Variants in TUBA4B observed in about 807,000 individuals in gnomAD.
The protein encoded by TUBA4B is tubulin alpha 4b.
TUBA4B carries 13 observed loss-of-function variants against 18.4 expected under a neutral mutation model. That is an observed-to-expected ratio of 0.71 (90% CI 0.46 to 1.12). The LOEUF (loss-of-function observed/expected upper bound fraction) is 1.12. Ranked by LOEUF, TUBA4B falls within the 50% of genes most tolerant of loss-of-function variation. The probability of loss-of-function intolerance (pLI) is 0.00; values close to 1 mark genes in which losing one functional copy is unlikely to be tolerated. For missense variants in TUBA4B, 244 were observed against 250.0 expected (o/e 0.98, Z 0.16); for synonymous variants, 101 against 99.1 (o/e 1.02, Z -0.11).
chr2:219,258,827 G>A (rs1481766001), intron 1 of TUBA4B, among the ~76,000 whole-genome samples: 2 of 152,086 alleles, frequency 1.3e-5, no homozygotes, highest in Non-Finnish European at 2.9e-5. Flanking sequence ...ATCACTCTCT[G>A]TGTCTCCCTG....
chr2:219,261,367 C>A (rs1378005053), intron 1 of TUBA4B, among the ~76,000 whole-genome samples: 2 of 152,166 alleles, frequency 1.3e-5, no homozygotes. Context: ...TTCCTTGAAG[C>A]GCCCTAGCAG....
At chr2:219,263,126 A>C (rs1308203538) in intron 1 of TUBA4B, among the ~76,000 whole-genome samples, 1 of 152,142 alleles carries the variant, frequency 6.6e-6, no homozygotes, top group Non-Finnish European at 1.5e-5. Context: ...GCAAGCACTC[A>C]ATATTTGTTG....
At chr2:219,259,575 ACT>A (rs1951747710) in intron 1 of TUBA4B, among the ~76,000 whole-genome samples, 1 of 151,852 alleles carries the variant, frequency 6.6e-6, no homozygotes. Flanking sequence ...TTTCTAATTC[ACT>A]CTCCCGTTGA....
rs374651868 is a variant in TUBA4B, at chr2:219,254,210, C to G, written c.12+791C>G. 262 of 242,892 alleles carry G rather than the reference C, an allele frequency of 1.1e-3. 1 individual carries two copies. Among genetic ancestry groups the G allele is most frequent in the African/African-American group, 5.5e-3 (247 of 44,854 alleles). 15.0% of individuals were successfully genotyped at this position (242,892 alleles called of 1,614,324 possible). ...GGAGATGCAGGGTGCTGTGGCAGGG[C>G]GAGTCTCACCTGCACCTGCGTCCTG... On this transcript the variant is annotated intron_variant, in intron 1 of 3. Coordinates refer to ENST00000490341, the MANE Select transcript of TUBA4B (RefSeq NM_001355221.1).
rs778044268 is a variant in TUBA4B, at chr2:219,272,101, A to C, written c.*402A>C. On this transcript the variant is annotated 3_prime_UTR_variant, in exon 4 of 4. Coordinates refer to ENST00000490341, the MANE Select transcript of TUBA4B (RefSeq NM_001355221.1). Reference sequence around the variant, plus strand: ...AAGGATTACAAGGAGGTGGGCATGGATAGTGTGGAGTGGGGGGAAGAAAAG... The same window carrying C: ...AAGGATTACAAGGAGGTGGGCATGGCTAGTGTGGAGTGGGGGGAAGAAAAG... 4.2e-6 allele frequency: 4 copies of C among 961,420 alleles called. No homozygotes were observed. Among genetic ancestry groups the C allele is most frequent in the Non-Finnish European group, 6.5e-6 (4 of 614,622 alleles). 59.6% of individuals were successfully genotyped at this position (961,420 alleles called of 1,614,324 possible).
At chr2:219,260,006 A>G (rs1302915165) in intron 1 of TUBA4B, among the ~76,000 whole-genome samples, 1 of 152,156 alleles carries the variant, frequency 6.6e-6, no homozygotes, top group East Asian at 1.9e-4. Context: ...ACACATCTCC[A>G]TCTTCATCTT....
In TUBA4B at chr2:219,266,520, GCAGA is replaced by G. The variant is rs1355452037; in HGVS notation, c.17_20del (p.Thr6ArgfsTer86). 2 of 703,018 alleles carry G rather than the reference GCAGA, an allele frequency of 2.8e-6. No homozygotes were observed. Among genetic ancestry groups the G allele is most frequent in the Non-Finnish European group, 5.2e-6 (2 of 384,992 alleles). 43.5% of individuals were successfully genotyped at this position (703,018 alleles called of 1,614,324 possible). On this transcript the variant is annotated frameshift_variant and splice_region_variant, in exon 2 of 4. Transcript: ENST00000490341. LOFTEE classifies it high-confidence loss of function. ...ATCTATCCCTGCTCACTATCCTGCA[GCAGA>G]CAGAGAGACAAGACCCCAGCCAGCC... is the stretch of plus-strand genomic sequence containing the variant.
intron 1 of TUBA4B, among the ~76,000 whole-genome samples, chr2:219,257,838 C>A (rs572759732): frequency 1.4e-4 from 21 of 151,168 alleles, no homozygotes; most frequent in African/African-American, 4.8e-4. Flanking sequence ...TATATATACA[C>A]ACACTATATA....
intron 1 of TUBA4B, among the ~76,000 whole-genome samples, chr2:219,266,053 C>T (rs1010062625): frequency 2.0e-5 from 3 of 152,260 alleles, no homozygotes; most frequent in Non-Finnish European, 4.4e-5. Flanking sequence ...ATCTCTTGGC[C>T]GAGGACTCAT....
chr2:219,266,756 CAG>C (rs906328577), intron 2 of TUBA4B, among the ~76,000 whole-genome samples, 190 bp downstream of exon 2: 54 of 151,980 alleles, frequency 3.6e-4, no homozygotes, highest in African/African-American at 1.3e-3. Flanking sequence ...GGGGGCATCA[CAG>C]GGGGTAGGGA....
chr2:219,263,491 C>T (rs1951771496), intron 1 of TUBA4B, among the ~76,000 whole-genome samples: 1 of 152,164 alleles, frequency 6.6e-6, no homozygotes, highest in South Asian at 2.1e-4. Context: ...AGACAGCTGA[C>T]TGCCATTAGG....
At chr2:219,257,841 A>T (rs941525562) in intron 1 of TUBA4B, among the ~76,000 whole-genome samples, 2 of 150,898 alleles carry the variant, frequency 1.3e-5, no homozygotes, top group South Asian at 2.1e-4. Context: ...ATATACACAC[A>T]CTATATATAT....
At position 219,272,073 on chromosome 2, in the gene TUBA4B, G is replaced by T; in HGVS notation, c.*374G>T. On this transcript the variant is annotated 3_prime_UTR_variant, in exon 4 of 4. Transcript: ENST00000490341. ...GGCCCATGAGGATATGACTGCCCTG[G>T]AGAAGGATTACAAGGAGGTGGGCAT... 1 of 1,230,484 alleles carries T rather than the reference G, an allele frequency of 8.1e-7. No individual in the cohort carries two copies. Among genetic ancestry groups the T allele is most frequent in the Non-Finnish European group, 1.2e-6 (1 of 840,716 alleles). 76.2% of individuals were successfully genotyped at this position (1,230,484 alleles called of 1,614,324 possible).
chr2:219,256,049 T>C (rs776702668), intron 1 of TUBA4B, among the ~76,000 whole-genome samples: 1 of 152,224 alleles, frequency 6.6e-6, no homozygotes, highest in Non-Finnish European at 1.5e-5. Context: ...CCGTGGTGAC[T>C]ATAGGACACA....
chr2:219,258,805 G>A (rs1251630219), intron 1 of TUBA4B, among the ~76,000 whole-genome samples: 1 of 152,070 alleles, frequency 6.6e-6, no homozygotes, highest in Non-Finnish European at 1.5e-5. Context: ...CCTCCAGTTC[G>A]CCACAGTCCT....
At chr2:219,259,393 GTGTGTGTT>G (rs1383527765) in intron 1 of TUBA4B, among the ~76,000 whole-genome samples, 3 of 144,620 alleles carry the variant, frequency 2.1e-5, no homozygotes, top group African/African-American at 8.6e-5. Context: ...GATTGTGTGT[GTGTGTGTT>G]TGTGTGTGTG....
intron 1 of TUBA4B, among the ~76,000 whole-genome samples, chr2:219,265,233 C>T (rs1379711549): frequency 6.6e-6 from 1 of 152,224 alleles, no homozygotes; most frequent in African/African-American, 2.4e-5. Flanking sequence ...TCAGGCAGGA[C>T]ACTAGGGATT....
At chr2:219,269,668 G>GT (rs1320670372) in intron 2 of TUBA4B, among the ~76,000 whole-genome samples, 1 of 152,226 alleles carries the variant, frequency 6.6e-6, no homozygotes, top group African/African-American at 2.4e-5. Flanking sequence ...CCGGTGTGCA[G>GT]TTGGCAATGC....
chr2:219,253,745 C>T lies in TUBA4B; in HGVS notation c.12+326C>T, dbSNP rs930932603. ...GGAGGATGCAAAACCCTCGCACCTC[C>T]TGGAGACCCGGAACGCCCGGTGGAG... is the stretch of plus-strand genomic sequence containing the variant. On this transcript the variant is annotated intron_variant, in intron 1 of 3. Coordinates refer to ENST00000490341, the MANE Select transcript of TUBA4B (RefSeq NM_001355221.1). The T allele has an allele frequency of 6.6e-6, 9 of 1,354,496 alleles. No individual in the cohort carries two copies. In the Admixed American group the frequency reaches 7.0e-5, roughly 10 times the overall value. The allele number at this position is 1,354,496 out of a possible 1,614,324, so 83.9% of individuals were successfully genotyped here.
Sources: gnomAD v4.1 joint callset for allele counts (sites outside exome capture counted in the v4.1 genomes callset) on GRCh38, gnomAD v4.1.1 for gene constraint, MANE v1.5 for transcripts, NCBI Gene and HGNC (gene_info 2026-07-23, HGNC 2026-07-21) for gene names.